CNTNAP3: variants seen among roughly 807,000 people sequenced by gnomAD.
The protein encoded by CNTNAP3 is contactin associated protein family member 3, also known as contactin-associated protein-like 3.
In CNTNAP3, 36 loss-of-function variants were observed where a neutral mutation model predicts 92.1. The ratio of observed to expected loss-of-function variants is 0.39; its 90% CI spans 0.30 to 0.52. The LOEUF (loss-of-function observed/expected upper bound fraction) is 0.52. CNTNAP3 is among the 20% of genes least tolerant of loss of function. CNTNAP3 has a pLI of 0.76. For missense variants in CNTNAP3, 534 were observed against 1,069.6 expected, an observed-to-expected ratio of 0.50 and a Z score of 6.98; for synonymous variants, 232 against 422.3, an observed-to-expected ratio of 0.55 and a Z score of 5.53.
chr9:39,100,846 G>A (rs1826440158), intron 17 of CNTNAP3, among the ~76,000 whole-genome samples: 1 of 147,948 alleles, frequency 6.8e-6, no homozygotes, highest in African/African-American at 2.5e-5. Flanking sequence ...CATTATGAAG[G>A]CGACAATTCT....
intron 14 of CNTNAP3, 152 bp from the exon 15 acceptor site, chr9:39,109,439 G>A (rs1427224429): frequency 3.6e-6 from 5 of 1,376,636 alleles, no homozygotes; most frequent in Non-Finnish European, 4.9e-6. Context: ...AGACTACCAT[G>A]AATCTAAATC....
At chr9:39,141,415 A>G (rs989655891) in intron 11 of CNTNAP3, among the ~76,000 whole-genome samples, 2 of 152,208 alleles carry the variant, frequency 1.3e-5, no homozygotes, top group African/African-American at 4.8e-5. Flanking sequence ...ACATCTCATC[A>G]TTAAAAAATA....
At chr9:39,090,994 A>T (rs1430337326) in intron 18 of CNTNAP3, among the ~76,000 whole-genome samples, 2 of 152,100 alleles carry the variant, frequency 1.3e-5, no homozygotes, top group Non-Finnish European at 2.9e-5. Flanking sequence ...TTCACAGCTA[A>T]TGTGTAGAAA....
chr9:39,138,343 C>A (rs992928340), intron 12 of CNTNAP3, among the ~76,000 whole-genome samples: 1 of 152,108 alleles, frequency 6.6e-6, no homozygotes, highest in East Asian at 1.9e-4. Context: ...TGGGCTGTGA[C>A]CTTCACAAGA....
At position 39,285,621 on chromosome 9, in the gene CNTNAP3, A is replaced by G. The variant is rs1427963622; in HGVS notation, c.85+2359T>C. Among the ~76,000 whole-genome samples, 29 of 47,366 alleles carry G rather than the reference A, an allele frequency of 6.1e-4. 5 individuals are homozygous for G. Among genetic ancestry groups the G allele is most frequent in the African/African-American group, 1.4e-3 (29 of 21,354 alleles). The allele number at this position is 47,366 out of a possible 152,430, so 31.1% of individuals were successfully genotyped here. A position where few individuals can be genotyped will look rare whatever the true frequency, so the allele number is the denominator to read the frequency against. ...ACTGCAACCTCCATCTCCCAGGTTC[A>G]AGCGATTCTCCTGCCTCAGCCTCCC... is the stretch of plus-strand genomic sequence containing the variant. On this transcript the variant is annotated intron_variant, in intron 1 of 23. Coordinates refer to ENST00000297668, the MANE Select transcript of CNTNAP3 (RefSeq NM_033655.5).
At chr9:39,168,240 A>G (rs998621558) in intron 8 of CNTNAP3, among the ~76,000 whole-genome samples, 15 of 148,584 alleles carry the variant, frequency 1.0e-4, no homozygotes. Flanking sequence ...GATGGTCTCA[A>G]TCTCCTGACC....
At chr9:39,105,244 G>T (rs1268797709) in intron 15 of CNTNAP3, among the ~76,000 whole-genome samples, 1 of 152,130 alleles carries the variant, frequency 6.6e-6, no homozygotes, top group Non-Finnish European at 1.5e-5. Context: ...TGGCTAACAT[G>T]GTGAAACCCC....
chr9:39,113,564 T>C (rs1587714025), intron 14 of CNTNAP3, among the ~76,000 whole-genome samples: 1 of 151,904 alleles, frequency 6.6e-6, no homozygotes, highest in East Asian at 1.9e-4. Flanking sequence ...TTATCTACAA[T>C]ATCTGCCAGG....
chr9:39,079,322 G>A (rs984547382), intron 21 of CNTNAP3, among the ~76,000 whole-genome samples: 14 of 151,762 alleles, frequency 9.2e-5, no homozygotes, highest in Non-Finnish European at 1.6e-4. Context: ...TTGGAGATGA[G>A]GGCAGAGCTC....
chr9:39,175,202 CAAAACAAAAACA>C lies in CNTNAP3; in HGVS notation c.1071+735_1071+746del, dbSNP rs549418534. Among the ~76,000 whole-genome samples the C allele has an allele frequency of 3.4e-4, 42 of 121,802 alleles. 2 individuals carry two copies. Among genetic ancestry groups the C allele is most frequent in the African/African-American group, 1.7e-3 (41 of 23,580 alleles). 79.9% of individuals were successfully genotyped at this position (121,802 alleles called of 152,430 possible). A position where few individuals can be genotyped will look rare whatever the true frequency, so the allele number is the denominator to read the frequency against. On this transcript the variant is annotated intron_variant, in intron 7 of 23. Coordinates refer to ENST00000297668, the MANE Select transcript of CNTNAP3 (RefSeq NM_033655.5). ...TGGGCAACAGAGCAAGACTGCATCT[CAAAACAAAAACA>C]AAAACAAAAACAAAAAAAGTGCGCC...
At chr9:39,078,479 G>A in intron 22 of CNTNAP3, 23 bp from the exon 23 acceptor site, 1 of 1,612,090 alleles carries the variant, frequency 6.2e-7, no homozygotes, top group South Asian at 1.1e-5. Context: ...AAGGGAGAAT[G>A]ATGTTTATTA....
chr9:39,084,479 C>G (rs890032508), intron 21 of CNTNAP3, among the ~76,000 whole-genome samples: 2 of 152,114 alleles, frequency 1.3e-5, no homozygotes, highest in African/African-American at 4.8e-5. Context: ...CAGGCGTAAG[C>G]CACCACACCC....
chr9:39,109,008 T>C, intron 15 of CNTNAP3, 152 bp downstream of exon 15: 1 of 1,222,530 alleles, frequency 8.2e-7, no homozygotes, highest in Non-Finnish European at 1.1e-6. Flanking sequence ...CAGTACTGAC[T>C]GTGCCTTTAT....
chr9:39,081,678 C>G (rs1240597816), intron 21 of CNTNAP3, among the ~76,000 whole-genome samples: 2 of 151,778 alleles, frequency 1.3e-5, no homozygotes, highest in Non-Finnish European at 2.9e-5. Context: ...GATGTCTATC[C>G]TTACAAAAGG....
At chr9:39,110,467 G>C (rs1826717776) in intron 14 of CNTNAP3, among the ~76,000 whole-genome samples, 1 of 152,128 alleles carries the variant, frequency 6.6e-6, no homozygotes, top group Admixed American at 6.5e-5. Context: ...ACATTGTCCT[G>C]GGAATTGAGG....
rs371376766 is a variant in CNTNAP3 at position 39,118,113 on chromosome 9, G to C, written c.2227C>G (p.Arg743Gly). ...TCATGTGGAAATCACCATTCATTCC[G>C]GCCAGCATCACAGTTGCAGTAATAC... ...SQYYCNCDAGRNEWTSDTIVL... is the reference protein window; with the variant it reads ...SQYYCNCDAGGNEWTSDTIVL... Residue 743 changes from arginine (R) to glycine (G), a missense_variant, in exon 14 of 24, where the codon CGG becomes GGG. By Grantham distance (125) the Arg-to-Gly change is moderately radical. Coordinates refer to ENST00000297668, the MANE Select transcript of CNTNAP3 (RefSeq NM_033655.5). 6 of 1,606,238 alleles carry C rather than the reference G, an allele frequency of 3.7e-6. No individual in the cohort carries two copies. Among genetic ancestry groups the C allele is most frequent in the Non-Finnish European group, 5.1e-6 (6 of 1,176,290 alleles).
In CNTNAP3 at chr9:39,070,799, C is replaced by G. The variant is rs1199191255; in HGVS notation, c.*3091G>C. Among the ~76,000 whole-genome samples, 1 of 152,280 alleles carries G rather than the reference C, an allele frequency of 6.6e-6. No individual in the cohort carries two copies. On this transcript the variant is annotated 3_prime_UTR_variant, in exon 24 of 24. Coordinates refer to ENST00000297668, the MANE Select transcript of CNTNAP3 (RefSeq NM_033655.5). Reference sequence around the variant, plus strand: ...TCATGTACTCCATAAATATATACACCTAGTATGTACACAAAAATTAAAAAA... The same window carrying G: ...TCATGTACTCCATAAATATATACACGTAGTATGTACACAAAAATTAAAAAA...
rs189842630 is a variant in CNTNAP3, at chr9:39,180,784, T to C, written c.539-2424A>G. ...CAGCACTGGAGAGGGACAACTCCCATGTAGTCCCTCTTGAATAAGATCCTC... is the reference window on the plus strand; with the variant it reads ...CAGCACTGGAGAGGGACAACTCCCACGTAGTCCCTCTTGAATAAGATCCTC... On this transcript the variant is annotated intron_variant, in intron 4 of 23. Transcript: ENST00000297668. Among the ~76,000 whole-genome samples the C allele has an allele frequency of 6.9e-4, 104 of 150,140 alleles. 5 individuals carry two copies. Among genetic ancestry groups the C allele is most frequent in the Non-Finnish European group, 9.3e-4 (62 of 66,916 alleles).
chr9:39,111,863 G>A (rs113517167), intron 14 of CNTNAP3, among the ~76,000 whole-genome samples: 14,999 of 151,520 alleles, frequency 0.099, 805 homozygotes, highest in African/African-American at 0.15. Flanking sequence ...TGTTTTTTCA[G>A]TTGTTTTGGA....
Sources: gnomAD v4.1 joint callset for allele counts (sites outside exome capture counted in the v4.1 genomes callset) on GRCh38, gnomAD v4.1.1 for gene constraint, MANE v1.5 for transcripts, NCBI Gene and HGNC (gene_info 2026-07-23, HGNC 2026-07-21) for gene names.